The following CENPP variants were observed in gnomAD, a reference collection of about 807,000 sequenced individuals.
CENPP encodes centromere protein P.
In CENPP, 24 loss-of-function variants were observed where a neutral mutation model predicts 35.6. That is an observed-to-expected ratio of 0.67 (90% CI 0.49 to 0.95). CENPP has a LOEUF of 0.95. Among genes scored for constraint, CENPP ranks in the 40% least tolerant of loss-of-function variants. CENPP has a pLI of 0.00. For synonymous variants in CENPP, 120 were observed against 125.5 expected (o/e 0.96, Z 0.29); for missense variants, 332 against 345.3 (o/e 0.96, Z 0.31).
intron 5 of CENPP, chr9:92,384,796 T>A (rs1192634570): frequency 6.6e-6 from 1 of 152,148 alleles, no homozygotes; most frequent in African/African-American, 2.4e-5. Context: ...GGAAAATATT[T>A]TGCAGTTATC....
chr9:92,438,341 A>G lies in CENPP; in HGVS notation c.564+58482A>G, dbSNP rs138565395. Among the ~76,000 whole-genome samples the G allele has an allele frequency of 7.5e-3, 1,141 of 152,216 alleles. 9 individuals carry two copies. Among genetic ancestry groups the G allele is most frequent in the Non-Finnish European group, 0.012 (814 of 68,008 alleles). On this transcript the variant is annotated intron_variant, in intron 5 of 7. Transcript: ENST00000375587. ...CAATTGTCTCAGCACCATTTGTTGAAAGGACAGTTATTTCTCCATTGTCAA... is the reference window on the plus strand; with the variant it reads ...CAATTGTCTCAGCACCATTTGTTGAGAGGACAGTTATTTCTCCATTGTCAA...
At chr9:92,337,445 C>T in intron 2 of CENPP, 96 bp from the exon 3 acceptor site, 1 of 722,432 alleles carries the variant, frequency 1.4e-6, no homozygotes, top group Non-Finnish European at 2.5e-6. Context: ...CACACATATA[C>T]CCACATGTAT....
chr9:92,549,449 C>A (rs1303701471), intron 5 of CENPP, among the ~76,000 whole-genome samples: 1 of 152,090 alleles, frequency 6.6e-6, no homozygotes, highest in African/African-American at 2.4e-5. Context: ...GAGTTCGAGA[C>A]CAGCCTGGCC....
chr9:92,417,374 C>G, intron 5 of CENPP: 1 of 1,614,094 alleles, frequency 6.2e-7, no homozygotes, highest in Non-Finnish European at 8.5e-7. Flanking sequence ...TTCACTGACA[C>G]AGCCTAAAGT....
intron 5 of CENPP, among the ~76,000 whole-genome samples, chr9:92,570,697 C>T (rs1291788680): frequency 6.6e-6 from 1 of 152,176 alleles, no homozygotes; most frequent in Non-Finnish European, 1.5e-5. Flanking sequence ...GGCTGTGAAT[C>T]CGTCTGGTCC....
rs936745582 is a variant in CENPP at position 92,396,892 on chromosome 9, G to A, written c.564+17033G>A. Among the ~76,000 whole-genome samples, 10 of 152,138 alleles carry A rather than the reference G, an allele frequency of 6.6e-5. 1 individual carries two copies. In the East Asian group the frequency reaches 1.7e-3, roughly 26 times the overall value. Reference sequence around the variant, plus strand: ...GATGGATTTAAAAACATTTTGTCAGGAGACTGGGTGCAATGGCTCATATAT... The same window carrying A: ...GATGGATTTAAAAACATTTTGTCAGAAGACTGGGTGCAATGGCTCATATAT... On this transcript the variant is annotated intron_variant, in intron 5 of 7. Transcript: ENST00000375587.
chr9:92,350,044 G>A (rs560587576), intron 4 of CENPP, among the ~76,000 whole-genome samples: 1 of 152,130 alleles, frequency 6.6e-6, no homozygotes, highest in Non-Finnish European at 1.5e-5. Flanking sequence ...GAGAATGTCT[G>A]TTAATATTTT....
chr9:92,474,350 C>G (rs1845630959), intron 5 of CENPP, among the ~76,000 whole-genome samples: 2 of 152,142 alleles, frequency 1.3e-5, no homozygotes, highest in Admixed American at 1.3e-4. Context: ...TCCATTCTCT[C>G]TGAAGGGAAT....
chr9:92,406,352 G>C (rs1243449953), intron 5 of CENPP, among the ~76,000 whole-genome samples: 1 of 152,128 alleles, frequency 6.6e-6, no homozygotes, highest in Non-Finnish European at 1.5e-5. Flanking sequence ...AAGTATTTGG[G>C]CTTTAGTCTG....
intron 5 of CENPP, among the ~76,000 whole-genome samples, chr9:92,607,456 TA>T (rs1851113788): frequency 6.6e-6 from 1 of 152,166 alleles, no homozygotes; most frequent in African/African-American, 2.4e-5. Flanking sequence ...AGGGTACATT[TA>T]GGGGGTGATG....
At chr9:92,555,443 GTTC>G (rs1346331928) in intron 5 of CENPP, among the ~76,000 whole-genome samples, 2 of 151,602 alleles carry the variant, frequency 1.3e-5, no homozygotes, top group African/African-American at 4.9e-5. Flanking sequence ...TAGCCAGGCT[GTTC>G]TCGAACTCCT....
At chr9:92,565,382 G>T (rs1328965339) in intron 5 of CENPP, among the ~76,000 whole-genome samples, 1 of 150,034 alleles carries the variant, frequency 6.7e-6, no homozygotes, top group Non-Finnish European at 1.5e-5. Flanking sequence ...AAGTCATCCT[G>T]GGCTGCATGC....
In CENPP at chr9:92,593,573, A is replaced by G. The variant is rs535112570; in HGVS notation, c.565-17741A>G. Among the ~76,000 whole-genome samples, 1 of 152,346 alleles carries G rather than the reference A, an allele frequency of 6.6e-6. No individual in the cohort carries two copies. The highest frequency in any genetic ancestry group is 2.4e-5 in the African/African-American group (1 of 41,580). ...TGATCTGTACAGAAATGAATAAATG[A>G]AAGAGTGGTGTTTGCTACTCTTCTG... On this transcript the variant is annotated intron_variant, in intron 5 of 7. Transcript: ENST00000375587. This position sits in a 1 kb window ranked among gnomAD's most constrained non-coding sequence, Gnocchi z 4.1.
At chr9:92,412,575 G>T (rs1021379848) in intron 5 of CENPP, among the ~76,000 whole-genome samples, 3 of 152,072 alleles carry the variant, frequency 2.0e-5, no homozygotes, top group African/African-American at 4.8e-5. Flanking sequence ...AGATTTCCCA[G>T]TTCTGGACAT....
intron 5 of CENPP, among the ~76,000 whole-genome samples, chr9:92,508,544 A>G (rs1287126316): frequency 7.9e-5 from 12 of 152,210 alleles, no homozygotes. Flanking sequence ...TAGTTCATAT[A>G]CAGCCTGTTA....
At chr9:92,360,436 G>T (rs996669267) in intron 4 of CENPP, among the ~76,000 whole-genome samples, 5 of 152,070 alleles carry the variant, frequency 3.3e-5, no homozygotes, top group African/African-American at 1.2e-4. Context: ...TTGTAGTGGG[G>T]TGCACTCGTA....
At chr9:92,340,287 T>A (rs1841070854) in intron 3 of CENPP, 1 of 152,216 alleles carries the variant, frequency 6.6e-6, no homozygotes. Context: ...AGCTTCTTAG[T>A]GGAGTTATAC....
intron 5 of CENPP, among the ~76,000 whole-genome samples, chr9:92,400,082 A>G (rs182983901): frequency 4.6e-4 from 70 of 152,326 alleles, no homozygotes; most frequent in African/African-American, 1.6e-3. Flanking sequence ...ATAAATTTAG[A>G]AAGAACTGAC....
intron 5 of CENPP, among the ~76,000 whole-genome samples, chr9:92,521,436 C>T (rs1420949857): frequency 6.6e-6 from 1 of 151,986 alleles, no homozygotes; most frequent in Non-Finnish European, 1.5e-5. Flanking sequence ...GTAAGTGTGG[C>T]CTAAATTGCC....
Sources: allele counts gnomAD v4.1 joint callset (sites outside exome capture counted in the v4.1 genomes callset), GRCh38; gene constraint gnomAD v4.1.1; non-coding constraint Gnocchi (gnomAD v3.1); transcripts MANE v1.5; gene names NCBI Gene and HGNC (gene_info 2026-07-23, HGNC 2026-07-21).